Variants in TLE4 observed in about 807,000 individuals in gnomAD.
TLE4 encodes the protein transducin-like enhancer protein 4.
A neutral mutation model predicts 92.8 loss-of-function variants in TLE4; 8 were observed. That is an observed-to-expected ratio of 0.09 (90% confidence interval 0.05 to 0.16). The LOEUF is 0.16. TLE4 is among the 10% of genes least tolerant of loss of function. TLE4 has a pLI of 1.00. For missense variants in TLE4, 675 were observed against 997.6 expected (o/e 0.68, Z 4.36); for synonymous variants, 371 against 374.1 (o/e 0.99, Z 0.10).
chr9:79,623,212 T>A (rs1217492648), intron 5 of TLE4, among the ~76,000 whole-genome samples: 2 of 152,050 alleles, frequency 1.3e-5, no homozygotes, highest in African/African-American at 2.4e-5. Context: ...TATTTTTTTT[T>A]AATTCTGAGG....
At chr9:79,586,238 C>G (rs1462023183) in intron 4 of TLE4, among the ~76,000 whole-genome samples, 1 of 152,004 alleles carries the variant, frequency 6.6e-6, no homozygotes, top group Non-Finnish European at 1.5e-5. Context: ...TGGCGCATGA[C>G]TGTAATCCCA....
intron 6 of TLE4, among the ~76,000 whole-genome samples, chr9:79,646,977 T>G (rs901701000): frequency 1.2e-4 from 18 of 152,198 alleles, no homozygotes; most frequent in African/African-American, 3.9e-4. Context: ...TTAAGCAGTA[T>G]GCCTGTAGGT....
At chr9:79,671,366 G>C (rs1292910893) in intron 8 of TLE4, 1 of 429,164 alleles carries the variant, frequency 2.3e-6, no homozygotes, top group Non-Finnish European at 4.9e-6. Context: ...CTACCCTGAC[G>C]AGCTCAACGA....
chr9:79,703,801 G>C (rs868061296), intron 8 of TLE4, among the ~76,000 whole-genome samples: 1 of 152,170 alleles, frequency 6.6e-6, no homozygotes, highest in African/African-American at 2.4e-5. Context: ...ATTTCTGCAG[G>C]TGGTGTTTTT....
At chr9:79,608,720 A>G (rs1480183001) in intron 4 of TLE4, among the ~76,000 whole-genome samples, 1 of 152,080 alleles carries the variant, frequency 6.6e-6, no homozygotes, top group African/African-American at 2.4e-5. Flanking sequence ...TATTTCAACA[A>G]TACATATGTA....
intron 4 of TLE4, among the ~76,000 whole-genome samples, chr9:79,592,887 A>G (rs1449163443): frequency 6.6e-6 from 1 of 152,218 alleles, no homozygotes; most frequent in Non-Finnish European, 1.5e-5. Context: ...GTCTTGGGCA[A>G]CTACTGTGTT....
intron 8 of TLE4, among the ~76,000 whole-genome samples, chr9:79,682,215 C>T (rs1170864644): frequency 2.0e-5 from 3 of 152,032 alleles, no homozygotes; most frequent in East Asian, 3.9e-4. Context: ...ATCCAGAAAG[C>T]TCTGAAAACT....
Position 79,572,160 on chromosome 9 carries a change from CAAG to C in TLE4, c.-628_-626del, listed in dbSNP as rs2036011307. ...CTTCAATTTGGGGTTAAAAAAAAGA[CAAG>C]AAAACAGGAAGGAAGAGAAATAAGG... On this transcript the variant is annotated 5_prime_UTR_variant, in exon 1 of 20. Coordinates refer to ENST00000376552, the MANE Select transcript of TLE4 (RefSeq NM_007005.6). 1 of 148,518 alleles carries C rather than the reference CAAG, an allele frequency of 6.7e-6. No individual in the cohort carries two copies. The highest frequency in any genetic ancestry group is 1.5e-5 in the Non-Finnish European group (1 of 67,176). The allele number at this position is 148,518 out of a possible 1,614,324, so 9.2% of individuals were successfully genotyped here. A position where few individuals can be genotyped will look rare whatever the true frequency, so the allele number is the denominator to read the frequency against.
intron 8 of TLE4, chr9:79,693,531 C>T (rs2067529166): frequency 2.5e-6 from 1 of 395,042 alleles, no homozygotes; most frequent in South Asian, 1.9e-5. Context: ...AGTTTATAAA[C>T]CATAAGACTT....
chr9:79,593,617 A>G (rs931363420), intron 4 of TLE4, among the ~76,000 whole-genome samples: 1 of 152,214 alleles, frequency 6.6e-6, no homozygotes, highest in Non-Finnish European at 1.5e-5. Context: ...AGAAAATTAA[A>G]CAATATTCAG....
chr9:79,712,273 T>C (rs2073497531), intron 14 of TLE4, among the ~76,000 whole-genome samples: 1 of 152,206 alleles, frequency 6.6e-6, no homozygotes, highest in South Asian at 2.1e-4. Flanking sequence ...AGATGGGTCA[T>C]TGGTGTGTCT....
chr9:79,713,570 T>C (rs987758301), intron 14 of TLE4, among the ~76,000 whole-genome samples: 2 of 152,158 alleles, frequency 1.3e-5, no homozygotes, highest in Non-Finnish European at 2.9e-5. Flanking sequence ...TAGCTAGGGA[T>C]CTTGGGTGTA....
At chr9:79,644,342 T>TATAA (rs765394634) in intron 6 of TLE4, among the ~76,000 whole-genome samples, 28 of 152,244 alleles carry the variant, frequency 1.8e-4, no homozygotes, top group Non-Finnish European at 4.0e-4. Flanking sequence ...CTCTTTCCTT[T>TATAA]ATAAATTACC....
At chr9:79,635,118 A>T (rs1283816826) in intron 6 of TLE4, among the ~76,000 whole-genome samples, 1 of 152,150 alleles carries the variant, frequency 6.6e-6, no homozygotes, top group Non-Finnish European at 1.5e-5. Context: ...TTTCCTCTAC[A>T]TCTTTGTCTG....
intron 8 of TLE4, among the ~76,000 whole-genome samples, chr9:79,662,492 G>T (rs2060678748): frequency 6.6e-6 from 1 of 152,052 alleles, no homozygotes; most frequent in Non-Finnish European, 1.5e-5. Context: ...GTTTTTGTGA[G>T]CGACATTTGG....
At chr9:79,704,407 C>G (rs2070904139) in intron 8 of TLE4, among the ~76,000 whole-genome samples, 1 of 152,146 alleles carries the variant, frequency 6.6e-6, no homozygotes, top group African/African-American at 2.4e-5. Context: ...ATCACCATGC[C>G]CAGCCCCTTT....
Position 79,662,686 on chromosome 9 carries a change from G to A in TLE4, c.609+8611G>A, listed in dbSNP as rs377711536. ...TTCGATGTAAACAAATAACTTCTGG[G>A]CAGGTGTTGGAAATAATATGGAAAT... On this transcript the variant is annotated intron_variant, in intron 8 of 19. Coordinates refer to ENST00000376552, the MANE Select transcript of TLE4 (RefSeq NM_007005.6). 3.9e-4 allele frequency among the ~76,000 whole-genome samples: 60 copies of A among 152,242 alleles called. 2 individuals are homozygous for A. The East Asian group carries it at 6.4e-3, about 16-fold the overall frequency.
At chr9:79,679,196 C>A (rs1468512623) in intron 8 of TLE4, among the ~76,000 whole-genome samples, 1 of 152,092 alleles carries the variant, frequency 6.6e-6, no homozygotes, top group Non-Finnish European at 1.5e-5. Flanking sequence ...GGAATCGCCA[C>A]ACTGACTTCC....
At chr9:79,634,756 T>C (rs1268769255) in intron 6 of TLE4, among the ~76,000 whole-genome samples, 1 of 152,184 alleles carries the variant, frequency 6.6e-6, no homozygotes, top group Non-Finnish European at 1.5e-5. Flanking sequence ...CATGTAGCCT[T>C]CCGAGGTTTC....
Sources: allele counts gnomAD v4.1 joint callset (sites outside exome capture counted in the v4.1 genomes callset), GRCh38; gene constraint gnomAD v4.1.1; transcripts MANE v1.5; gene names NCBI Gene and HGNC (gene_info 2026-07-23, HGNC 2026-07-21).